Variants in CASKIN2 observed in about 807,000 individuals in gnomAD.
CASKIN2 encodes the protein CASK interacting protein 2.
CASKIN2 carries 41 observed loss-of-function variants against 107.1 expected under a neutral mutation model. The observed-to-expected ratio is 0.38, with a 90% confidence interval of 0.30 to 0.50. CASKIN2 has a LOEUF of 0.50. CASKIN2 is among the 20% of genes least tolerant of loss of function. The pLI is 0.92. For synonymous variants in CASKIN2, 724 were observed against 705.6 expected, an observed-to-expected ratio of 1.03 and a Z score of -0.41; for missense variants, 1,546 against 1,657.4, an observed-to-expected ratio of 0.93 and a Z score of 1.17.
rs1241467701 is a variant in CASKIN2 at position 75,502,073 on chromosome 17, G to T, written c.3001C>A (p.Pro1001Thr). Reference protein sequence around the residue: ...KRRPKCREREPLQTALLAFGV... With the variant: ...KRRPKCRERETLQTALLAFGV... ...AAGGCCAGCAGTGCGGTCTGCAGTG[G>T]CTCTCTCTCCCGGCACTTGGGCCTC... The change falls in exon 18 of 20, where the codon CCA becomes ACA. Residue 1001 changes from proline to threonine, a missense_variant. Around this residue, in one of 6 missense-constraint regions of CASKIN2, gnomAD observed 1,311 missense variants for 1,311.0 expected, o/e 1.00. Transcript: ENST00000321617. The surrounding 1 kb of genome is among the most constrained non-coding windows in gnomAD (Gnocchi z 4.3). 2 of 1,611,636 alleles carry T rather than the reference G, an allele frequency of 1.2e-6. No individual in the cohort carries two copies.
rs1171662421 is a variant in CASKIN2 at position 75,502,565 on chromosome 17, C to G, written c.2509G>C (p.Ala837Pro). Residue 837 changes from alanine (A) to proline (P), a missense_variant, in exon 18 of 20, where the codon GCC (alanine) becomes CCC (proline). Physicochemically the swap from Ala to Pro is conservative, Grantham distance 27. Coordinates refer to ENST00000321617, the MANE Select transcript of CASKIN2 (RefSeq NM_020753.5). The surrounding 1 kb of genome is among the most constrained non-coding windows in gnomAD (Gnocchi z 4.3). ...ACACTAGGACTGGTCCGGACAAGGG[C>G]ACTGCGTCCTGGCCGCCGGGTAAGG... ...ATLTRRPGRS[A>P]LVRTSPSVTP... The G allele has an allele frequency of 6.3e-7, 1 of 1,576,608 alleles. No homozygotes were observed. Among genetic ancestry groups the G allele is most frequent in the Admixed American group, 1.8e-5 (1 of 56,502 alleles).
chr17:75,503,220 C>A lies in CASKIN2; in HGVS notation c.1854G>T (p.Arg618=). The A allele has an allele frequency of 6.3e-7, 1 of 1,596,778 alleles. No homozygotes were observed. ...HQKKLMLGVK[R]LAELRRGLLQ... ...GCAGGCCCCGCCGAAGCTCCGCCAGCCGCTTCACCCCCAGCATGAGCTTCT... is the reference window on the plus strand; with the variant it reads ...GCAGGCCCCGCCGAAGCTCCGCCAGACGCTTCACCCCCAGCATGAGCTTCT... Residue 618 remains arginine, a synonymous_variant, in exon 18 of 20, where the codon CGG becomes CGT. Coordinates refer to ENST00000321617, the MANE Select transcript of CASKIN2 (RefSeq NM_020753.5).
Position 75,503,955 on chromosome 17 carries a change from T to C in CASKIN2, c.1475A>G (p.Gln492Arg), listed in dbSNP as rs2053233419. 1.2e-6 allele frequency: 2 copies of C among 1,610,618 alleles called. No homozygotes were observed. The highest frequency in any genetic ancestry group is 1.7e-5 in the Admixed American group (1 of 59,800). ...PEQLLEGKDAQAIHNWLSEFQ... is the reference protein window; with the variant it reads ...PEQLLEGKDARAIHNWLSEFQ... ...CTCGCTTAGCCAGTTATGAATGGCC[T>C]GCGCGTCCTGCGGGGTGGGGGAAGG... Residue 492 changes from glutamine (Q) to arginine (R), a missense_variant, in exon 15 of 20, where the codon CAG becomes CGG. Physicochemically the swap from Gln to Arg is conservative, Grantham distance 43. Coordinates refer to ENST00000321617, the MANE Select transcript of CASKIN2 (RefSeq NM_020753.5).
rs1351201726 is a variant in CASKIN2 at position 75,504,616 on chromosome 17, C to T, written c.1270G>A (p.Gly424Ser). ...AGGCCAGGGCCATGGCCATTAGTGC[C>T]CTCAGAGCTCTGCCCGCTGCCGGCA... ...RSAGSGQSSE[G>S]TNGHGPGLLI... The change falls in exon 12 of 20, where the codon GGC becomes AGC. Residue 424 changes from glycine to serine, a missense_variant. Transcript: ENST00000321617. 3 of 1,609,034 alleles carry T rather than the reference C, an allele frequency of 1.9e-6. No homozygotes were observed. Among genetic ancestry groups the T allele is most frequent in the Middle Eastern group, 1.7e-4 (1 of 6,052 alleles).
rs569425317 is a variant in CASKIN2 at position 75,503,222 on chromosome 17, G to A, written c.1852C>T (p.Arg618Trp). 3.4e-5 allele frequency: 54 copies of A among 1,596,882 alleles called. No individual in the cohort carries two copies. Among genetic ancestry groups the A allele is most frequent in the Admixed American group, 1.4e-4 (8 of 58,792 alleles). Residue 618 changes from arginine (R) to tryptophan (W), a missense_variant, in exon 18 of 20, where the codon CGG becomes TGG. Arg to Trp is a moderately radical substitution (Grantham distance 101). Coordinates refer to ENST00000321617, the MANE Select transcript of CASKIN2 (RefSeq NM_020753.5). ...AGGCCCCGCCGAAGCTCCGCCAGCC[G>A]CTTCACCCCCAGCATGAGCTTCTTC... ...HQKKLMLGVK[R>W]LAELRRGLLQ...
chr17:75,503,459 G>A lies in CASKIN2; in HGVS notation c.1749C>T (p.Gly583=). ...CGGCCACCAGCCCCATGGAGTCGTAGCCGCTGCTCACCAGCTGCTTGTGGT... is the reference window on the plus strand; with the variant it reads ...CGGCCACCAGCCCCATGGAGTCGTAACCGCTGCTCACCAGCTGCTTGTGGT... ...PQYHKQLVSS[G]YDSMGLVADL... The change falls in exon 17 of 20, where the codon GGC becomes GGT. Residue 583 remains glycine, a synonymous_variant. Coordinates refer to ENST00000321617, the MANE Select transcript of CASKIN2 (RefSeq NM_020753.5). 6.2e-7 allele frequency: 1 copy of A among 1,612,852 alleles called. No homozygotes were observed. Among genetic ancestry groups the A allele is most frequent in the Middle Eastern group, 1.7e-4 (1 of 6,058 alleles).
At chr17:75,510,214 C>G (rs550899151) in intron 2 of CASKIN2, among the ~76,000 whole-genome samples, 1 of 152,234 alleles carries the variant, frequency 6.6e-6, no homozygotes, top group South Asian at 2.1e-4. Flanking sequence ...AGTGGTGCGG[C>G]GAGGGGCGGG....
chr17:75,502,161 G>C lies in CASKIN2; in HGVS notation c.2913C>G (p.Pro971=), dbSNP rs2053201994. Residue 971 remains proline (P), a synonymous_variant, in exon 18 of 20, where the codon CCC becomes CCG. Coordinates refer to ENST00000321617, the MANE Select transcript of CASKIN2 (RefSeq NM_020753.5). The surrounding 1 kb of genome is among the most constrained non-coding windows in gnomAD (Gnocchi z 4.3). ...GGCCGGGGGGCACGGGTGTCTCTCG[G>C]GGCGGGGGGCCAGCGGGCTTCGGGC... ...KQRPKPAGPP[P]RETPVPPGLD... The C allele has an allele frequency of 6.2e-7, 1 of 1,601,338 alleles. No homozygotes were observed. The highest frequency in any genetic ancestry group is 8.5e-7 in the Non-Finnish European group (1 of 1,179,664).
Position 75,505,961 on chromosome 17 carries a change from A to G in CASKIN2, c.727-32T>C. ...GCACAGTGTCACATGAGCACACGCTAAGCACTTTGACACCCCTCACCCGAT... is the reference window on the plus strand; with the variant it reads ...GCACAGTGTCACATGAGCACACGCTGAGCACTTTGACACCCCTCACCCGAT... On this transcript the variant is annotated intron_variant, in intron 8 of 19. Transcript: ENST00000321617. The surrounding 1 kb of genome is among the most constrained non-coding windows in gnomAD (Gnocchi z 5.1). The G allele has an allele frequency of 6.3e-7, 1 of 1,583,676 alleles. No individual in the cohort carries two copies.
chr17:75,507,301 CCA>C (rs60954032), intron 4 of CASKIN2, among the ~76,000 whole-genome samples, 172 bp from the exon 5 acceptor site: 13,003 of 152,170 alleles, frequency 0.085, 585 homozygotes, highest in Non-Finnish European at 0.1. Flanking sequence ...AGGGCTGAAG[CCA>C]GAGTCCTGCT....
In CASKIN2 at chr17:75,502,896, G is replaced by A. The variant is rs201582349; in HGVS notation, c.2178C>T (p.Pro726=). 2.3e-5 allele frequency: 36 copies of A among 1,544,710 alleles called. 1 individual carries two copies. The South Asian group carries it at 3.6e-4, about 16-fold the overall frequency. Residue 726 remains proline, a synonymous_variant, in exon 18 of 20, where the codon CCC becomes CCT. Coordinates refer to ENST00000321617, the MANE Select transcript of CASKIN2 (RefSeq NM_020753.5). The surrounding 1 kb of genome is among the most constrained non-coding windows in gnomAD (Gnocchi z 4.3). ...CCTCTGGGAGGTTCCTCTCCTGGGG[G>A]GGGCTGGGATCTCCACCGCTGGGCT... ...APQPSGGDPS[P]PQERNLPEGT...
intron 16 of CASKIN2, 42 bp from the exon 17 acceptor site, chr17:75,503,569 C>T (rs760768306): frequency 2.0e-5 from 32 of 1,602,668 alleles, no homozygotes; most frequent in Admixed American, 5.0e-5. Context: ...AGCCAGCCTC[C>T]GCCCCCAGCC....
Position 75,500,913 on chromosome 17 carries a change from A to G in CASKIN2, c.*167T>C, listed in dbSNP as rs2053171029. 3 of 632,148 alleles carry G rather than the reference A, an allele frequency of 4.7e-6. No individual in the cohort carries two copies. The highest frequency in any genetic ancestry group is 8.3e-6 in the Non-Finnish European group (3 of 362,060). 39.2% of individuals were successfully genotyped at this position (632,148 alleles called of 1,614,324 possible). On this transcript the variant is annotated 3_prime_UTR_variant, in exon 20 of 20. Coordinates refer to ENST00000321617, the MANE Select transcript of CASKIN2 (RefSeq NM_020753.5). ...CAGGTTCTAAGGTGGGCTGCCCCACAAGAGCTGTGGTGCCCACAGCCGCGG... is the reference window on the plus strand; with the variant it reads ...CAGGTTCTAAGGTGGGCTGCCCCACGAGAGCTGTGGTGCCCACAGCCGCGG...
intron 19 of CASKIN2, 38 bp downstream of exon 19, chr17:75,501,430 C>T (rs1315997940): frequency 6.3e-7 from 1 of 1,577,932 alleles, no homozygotes; most frequent in Non-Finnish European, 8.7e-7. Context: ...CACTGTTTCT[C>T]TGCAGCCTTC....
chr17:75,513,538 C>T (rs1192203584), intron 2 of CASKIN2, among the ~76,000 whole-genome samples, 173 bp downstream of exon 2: 2 of 152,188 alleles, frequency 1.3e-5, no homozygotes, highest in Non-Finnish European at 2.9e-5. Flanking sequence ...GGACACACAG[C>T]AAGGGGGACC....
In CASKIN2 at chr17:75,501,997, G is replaced by T. The variant is rs767592305; in HGVS notation, c.3077C>A (p.Thr1026Asn). 1.2e-5 allele frequency: 19 copies of T among 1,612,656 alleles called. No individual in the cohort carries two copies. The highest frequency in any genetic ancestry group is 1.3e-5 in the Non-Finnish European group (15 of 1,179,662). ...PGPAAPLPSP[T>N]PGESPPASSL... The stretch of plus-strand genomic sequence containing the variant: ...AGAAGCTGGAGGAGACTCGCCAGGA[G>T]TTGGGGAAGGCAGTGGGGCAGCGGG... Residue 1026 changes from threonine to asparagine, a missense_variant, in exon 18 of 20, where the codon ACT becomes AAT. By Grantham distance (65) the Thr-to-Asn change is moderately conservative. Coordinates refer to ENST00000321617, the MANE Select transcript of CASKIN2 (RefSeq NM_020753.5).
intron 4 of CASKIN2, 73 bp from the exon 5 acceptor site, chr17:75,507,202 C>G: frequency 1.3e-6 from 2 of 1,494,146 alleles, no homozygotes; most frequent in Non-Finnish European, 1.8e-6. Context: ...GAGCAGAGTA[C>G]GGAGCCAGCC....
rs751834139 is a variant in CASKIN2 at position 75,502,667 on chromosome 17, G to A, written c.2407C>T (p.Arg803Cys). Residue 803 changes from arginine (R) to cysteine (C), a missense_variant, in exon 18 of 20, where the codon CGC becomes TGC. Coordinates refer to ENST00000321617, the MANE Select transcript of CASKIN2 (RefSeq NM_020753.5). This position sits in a 1 kb window ranked among gnomAD's most constrained non-coding sequence, Gnocchi z 4.3. Reference protein sequence around the residue: ...RPKRRSHSLSRPGPTEGDAEG... With the variant: ...RPKRRSHSLSCPGPTEGDAEG... ...GCATCCCCCTCTGTGGGGCCAGGGCGGCTTAGGCTGTGGGACCGGCGCTTA... is the reference window on the plus strand; with the variant it reads ...GCATCCCCCTCTGTGGGGCCAGGGCAGCTTAGGCTGTGGGACCGGCGCTTA... 2.2e-5 allele frequency: 35 copies of A among 1,603,074 alleles called. No homozygotes were observed. Among genetic ancestry groups the A allele is most frequent in the Admixed American group, 6.8e-5 (4 of 58,988 alleles).
rs1362899527 is a variant in CASKIN2, at chr17:75,504,820, T to C, written c.1184A>G (p.Asp395Gly). The change falls in exon 11 of 20, where the codon GAC (aspartate) becomes GGC (glycine). Residue 395 changes from aspartate to glycine, a missense_variant. Transcript: ENST00000321617. ...CCCCTGGGAGGATGTACCTGGGCTG[T>C]CTGGGCTGAGGCCCACCCGAGGAAG... is the stretch of plus-strand genomic sequence containing the variant. ...SQLPRVGLSPDSPAGDRNSVG... is the reference protein window; with the variant it reads ...SQLPRVGLSPGSPAGDRNSVG... 3 of 1,610,246 alleles carry C rather than the reference T, an allele frequency of 1.9e-6. No homozygotes were observed. The highest frequency in any genetic ancestry group is 2.5e-6 in the Non-Finnish European group (3 of 1,178,874).
Sources: allele counts gnomAD v4.1 joint callset (sites outside exome capture counted in the v4.1 genomes callset), GRCh38; gene constraint gnomAD v4.1.1; regional missense constraint gnomAD v4.1.1; non-coding constraint Gnocchi (gnomAD v3.1); transcripts MANE v1.5; gene names NCBI Gene and HGNC (gene_info 2026-07-23, HGNC 2026-07-21).